COLEC10: variants seen among roughly 807,000 people sequenced by gnomAD.
COLEC10 encodes collectin-10.
A neutral mutation model predicts 28.4 loss-of-function variants in COLEC10; 22 were observed. The observed-to-expected ratio is 0.78, with a 90% confidence interval of 0.55 to 1.11. The LOEUF (loss-of-function observed/expected upper bound fraction) is 1.11. Among genes scored for constraint, COLEC10 ranks in the 50% least tolerant of loss-of-function variants. COLEC10 has a pLI of 0.00. For missense variants in COLEC10, 361 were observed against 344.1 expected, an observed-to-expected ratio of 1.05 and a Z score of -0.39; for synonymous variants, 125 against 116.1, an observed-to-expected ratio of 1.08 and a Z score of -0.49.
chr8:119,013,954 A>C (rs1813945330), intron 2 of COLEC10, among the ~76,000 whole-genome samples: 1 of 150,780 alleles, frequency 6.6e-6, no homozygotes, highest in African/African-American at 2.5e-5. Flanking sequence ...ATACCTTATC[A>C]TAACAAAATA....
At chr8:119,002,117 A>T (rs1028806095) in intron 1 of COLEC10, among the ~76,000 whole-genome samples, 3 of 152,194 alleles carry the variant, frequency 2.0e-5, no homozygotes, top group Non-Finnish European at 4.4e-5. Flanking sequence ...CATAAACATC[A>T]ATACTCAATT....
At chr8:118,998,706 G>T (rs929267888) in intron 1 of COLEC10, among the ~76,000 whole-genome samples, 2 of 151,064 alleles carry the variant, frequency 1.3e-5, no homozygotes, top group Admixed American at 6.6e-5. Flanking sequence ...AATTAGCCAG[G>T]CGTGGTGGCA....
chr8:119,092,688 C>T (rs1563741656), intron 3 of COLEC10, among the ~76,000 whole-genome samples: 1 of 152,008 alleles, frequency 6.6e-6, no homozygotes, highest in Admixed American at 6.6e-5. Flanking sequence ...GGTGGATCAC[C>T]TGAGGTCAGG....
rs1430622094 is a variant in COLEC10 at position 119,106,261 on chromosome 8, T to C, written c.*70T>C. On this transcript the variant is annotated 3_prime_UTR_variant, in exon 6 of 6. Coordinates refer to ENST00000332843, the MANE Select transcript of COLEC10 (RefSeq NM_006438.5). ...ACAGTTATTGTTATCCATCCTTTTTTTCCTGATTGTACTACATTTGATCTG... is the reference window on the plus strand; with the variant it reads ...ACAGTTATTGTTATCCATCCTTTTTCTCCTGATTGTACTACATTTGATCTG... 9 of 1,477,416 alleles carry C rather than the reference T, an allele frequency of 6.1e-6. No individual in the cohort carries two copies. Among genetic ancestry groups the C allele is most frequent in the Non-Finnish European group, 7.3e-6 (8 of 1,089,858 alleles). The allele number at this position is 1,477,416 out of a possible 1,614,324, so 91.5% of individuals were successfully genotyped here. A position where few individuals can be genotyped will look rare whatever the true frequency, so the allele number is the denominator to read the frequency against.
the COLEC10 span, among the ~76,000 whole-genome samples, chr8:118,966,655 T>G: frequency 2.6e-5 from 4 of 151,812 alleles, no homozygotes; most frequent in East Asian, 7.7e-4. Flanking sequence ...CCCACTGCTC[T>G]TTCTTGGATG....
chr8:118,959,444 G>T, the COLEC10 span, among the ~76,000 whole-genome samples: 12 of 152,166 alleles, frequency 7.9e-5, no homozygotes, highest in Admixed American at 7.9e-4. Context: ...AGGCAATAAA[G>T]AACCGAATAA....
At chr8:119,016,952 G>C (rs1455794760) in intron 2 of COLEC10, among the ~76,000 whole-genome samples, 1 of 151,940 alleles carries the variant, frequency 6.6e-6, no homozygotes, top group African/African-American at 2.4e-5. Flanking sequence ...TTGATCTTGT[G>C]ATCCACCTGC....
At chr8:119,059,558 A>G (rs1241137995) in intron 2 of COLEC10, among the ~76,000 whole-genome samples, 4 of 152,122 alleles carry the variant, frequency 2.6e-5, no homozygotes, top group Non-Finnish European at 5.9e-5. Flanking sequence ...TACATTAATC[A>G]GTACTTTGTT....
At chr8:119,003,595 C>T (rs146550059) in intron 1 of COLEC10, among the ~76,000 whole-genome samples, 240 of 152,008 alleles carry the variant, frequency 1.6e-3, no homozygotes, top group Non-Finnish European at 1.2e-3. Context: ...GCATGGGGCT[C>T]AGAGGATGAA....
At chr8:119,035,682 T>C (rs1389670174) in intron 2 of COLEC10, among the ~76,000 whole-genome samples, 1 of 152,214 alleles carries the variant, frequency 6.6e-6, no homozygotes, top group Non-Finnish European at 1.5e-5. Context: ...TCCTTTAAAC[T>C]CTGGGCAAAC....
At chr8:118,989,482 T>C in the COLEC10 span, among the ~76,000 whole-genome samples, 1 of 149,572 alleles carries the variant, frequency 6.7e-6, no homozygotes, top group Non-Finnish European at 1.5e-5. Context: ...AAATCATGGA[T>C]TGAGTAAGCT....
intron 1 of COLEC10, 38 bp downstream of exon 1, chr8:119,067,467 T>C: frequency 6.3e-7 from 1 of 1,589,422 alleles, no homozygotes; most frequent in East Asian, 2.2e-5. Context: ...GTATAATAAA[T>C]ATGATATCTT....
chr8:118,998,868 A>AT (rs3082620), intron 1 of COLEC10, among the ~76,000 whole-genome samples: 3 of 150,692 alleles, frequency 2.0e-5, no homozygotes, highest in Non-Finnish European at 4.4e-5. Context: ...AAAAAAAAAA[A>AT]TTAACTTGGA....
intron 2 of COLEC10, among the ~76,000 whole-genome samples, chr8:119,056,396 C>T (rs1042651447): frequency 1.3e-5 from 2 of 152,032 alleles, no homozygotes; most frequent in Non-Finnish European, 2.9e-5. Context: ...GGAAAAACTC[C>T]TTAAAAATTG....
chr8:119,089,920 A>G (rs574912521), intron 2 of COLEC10, among the ~76,000 whole-genome samples, 169 bp downstream of exon 2: 2 of 152,294 alleles, frequency 1.3e-5, no homozygotes, highest in African/African-American at 2.4e-5. Flanking sequence ...CTCTGAGATT[A>G]CCTGTCAACA....
rs1815954921 is a variant in COLEC10, at chr8:119,106,778, C to A, written c.*587C>A. Among the ~76,000 whole-genome samples, 1 of 152,164 alleles carries A rather than the reference C, an allele frequency of 6.6e-6. No individual in the cohort carries two copies. The highest frequency in any genetic ancestry group is 6.5e-5 in the Admixed American group (1 of 15,270). The stretch of plus-strand genomic sequence containing the variant: ...AAACCTTTATATGGGGGACTTCTAG[C>A]TTTGTGTCTTGTTTCAGACCATGTG... On this transcript the variant is annotated 3_prime_UTR_variant, in exon 6 of 6. Transcript: ENST00000332843.
intron 3 of COLEC10, among the ~76,000 whole-genome samples, chr8:119,097,113 T>G (rs1212688360): frequency 2.6e-5 from 4 of 152,102 alleles, no homozygotes; most frequent in Non-Finnish European, 5.9e-5. Flanking sequence ...GTCAGTATGG[T>G]GATCTTTAGA....
At chr8:119,023,550 C>T (rs1249704211) in intron 2 of COLEC10, among the ~76,000 whole-genome samples, 1 of 152,152 alleles carries the variant, frequency 6.6e-6, no homozygotes, top group Admixed American at 6.6e-5. Context: ...TTTCTAAACA[C>T]ATTAACCACA....
chr8:119,036,490 T>C (rs1273020502), intron 2 of COLEC10, among the ~76,000 whole-genome samples: 1 of 152,204 alleles, frequency 6.6e-6, no homozygotes, highest in Non-Finnish European at 1.5e-5. Context: ...AGTAAGTATA[T>C]TGAACATTTT....
Sources: gnomAD v4.1 joint callset for allele counts (sites outside exome capture counted in the v4.1 genomes callset) on GRCh38, gnomAD v4.1.1 for gene constraint, MANE v1.5 for transcripts, NCBI Gene and HGNC (gene_info 2026-07-23, HGNC 2026-07-21) for gene names.